ADGRA1: variants seen among roughly 807,000 people sequenced by gnomAD.
ADGRA1 encodes G-protein coupled receptor 123.
A neutral mutation model predicts 21.3 loss-of-function variants in ADGRA1; 12 were observed. The observed-to-expected ratio is 0.56, with a 90% CI of 0.36 to 0.91. The LOEUF is 0.91. ADGRA1 is among the 40% of genes least tolerant of loss of function. ADGRA1 has a pLI of 0.01. For synonymous variants in ADGRA1, 385 were observed against 368.8 expected (o/e 1.04, Z -0.50); for missense variants, 790 against 805.6 (o/e 0.98, Z 0.23).
intron 5 of ADGRA1, among the ~76,000 whole-genome samples, chr10:133,126,547 C>G (rs990572270): frequency 3.9e-5 from 6 of 152,194 alleles, no homozygotes; most frequent in Non-Finnish European, 7.4e-5. Flanking sequence ...TCTCATGGGT[C>G]CGGGTGGGGG....
Position 133,129,930 on chromosome 10 carries a change from G to C in ADGRA1, c.*419G>C. 5.6e-6 allele frequency: 1 copy of C among 178,252 alleles called. No individual in the cohort carries two copies. The highest frequency in any genetic ancestry group is 1.2e-5 in the Non-Finnish European group (1 of 84,428). 11.0% of individuals were successfully genotyped at this position (178,252 alleles called of 1,614,324 possible). On this transcript the variant is annotated 3_prime_UTR_variant, in exon 7 of 7. Coordinates refer to ENST00000392607, the MANE Select transcript of ADGRA1 (RefSeq NM_001083909.3). Reference sequence around the variant, plus strand: ...ATGCCCTGCTGCCCACGGAGTCCTGGCTTCCCCTGGTGTGGCCGGGCAGGG... The same window carrying C: ...ATGCCCTGCTGCCCACGGAGTCCTGCCTTCCCCTGGTGTGGCCGGGCAGGG...
intron 5 of ADGRA1, among the ~76,000 whole-genome samples, chr10:133,108,876 C>G: frequency 7.0e-6 from 1 of 143,062 alleles, no homozygotes. Context: ...ATGGTCCCAG[C>G]TCCACTTGGC....
At chr10:133,119,976 C>T (rs1852225793) in intron 5 of ADGRA1, among the ~76,000 whole-genome samples, 1 of 152,202 alleles carries the variant, frequency 6.6e-6, no homozygotes, top group Non-Finnish European at 1.5e-5. Context: ...ACTCAAAGTT[C>T]CTGGCTCCGT....
chr10:133,095,213 C>T (rs758851552), intron 2 of ADGRA1, among the ~76,000 whole-genome samples: 2 of 152,112 alleles, frequency 1.3e-5, no homozygotes, highest in Non-Finnish European at 2.9e-5. Context: ...AGGCAACTGA[C>T]GCTTCGGGCT....
In ADGRA1 at chr10:133,102,825, C is replaced by A. The variant is rs371722749; in HGVS notation, c.384C>A (p.Pro128=). Residue 128 remains proline, a synonymous_variant, in exon 5 of 7, where the codon CCC becomes CCA. Transcript: ENST00000392607. ...TGGACACAGACCAGCCACCGTACCC[C>A]AGGCAGCCCCTGCTCAGGTACTGAG... is the stretch of plus-strand genomic sequence containing the variant. ...LCLDTDQPPY[P]RQPLLRFYLV... 4.3e-6 allele frequency: 7 copies of A among 1,611,404 alleles called. No homozygotes were observed. The highest frequency in any genetic ancestry group is 5.9e-6 in the Non-Finnish European group (7 of 1,178,798).
intron 5 of ADGRA1, among the ~76,000 whole-genome samples, chr10:133,120,002 G>A (rs1379432879): frequency 6.6e-6 from 1 of 152,238 alleles, no homozygotes; most frequent in African/African-American, 2.4e-5. Context: ...CCTAGCAAGA[G>A]AGTCAGCCTG....
intron 1 of ADGRA1, 35 bp downstream of exon 1, chr10:133,088,173 G>A: frequency 2.2e-6 from 2 of 913,386 alleles, no homozygotes; most frequent in Non-Finnish European, 2.6e-6. Context: ...CGGCGGGAGG[G>A]ACGCGCGGGG....
chr10:133,102,983 A>G (rs1368467856), intron 5 of ADGRA1, 141 bp downstream of exon 5: 2 of 790,358 alleles, frequency 2.5e-6, no homozygotes, highest in Non-Finnish European at 3.5e-6. Context: ...CAGTGTTCCC[A>G]GGGAGGGTGG....
intron 5 of ADGRA1, among the ~76,000 whole-genome samples, chr10:133,123,239 G>A (rs531218779): frequency 5.9e-5 from 9 of 152,304 alleles, no homozygotes; most frequent in East Asian, 1.9e-4. Flanking sequence ...TGCTGGCTGC[G>A]CCGTCCTCTC....
intron 2 of ADGRA1, chr10:133,095,621 T>G: frequency 6.3e-7 from 1 of 1,577,134 alleles, no homozygotes; most frequent in Non-Finnish European, 8.6e-7. Flanking sequence ...TTTCGGGCTT[T>G]GACTGTCAGC....
intron 5 of ADGRA1, among the ~76,000 whole-genome samples, chr10:133,124,799 TG>T (rs1852344393): frequency 6.6e-6 from 1 of 152,146 alleles, no homozygotes; most frequent in Non-Finnish European, 1.5e-5. Context: ...CGGTGGATGG[TG>T]GATGCTGGAC....
chr10:133,097,211 C>T (rs1333394413), intron 3 of ADGRA1, 110 bp downstream of exon 3: 1 of 1,354,952 alleles, frequency 7.4e-7, no homozygotes, highest in Non-Finnish European at 1.0e-6. Context: ...AGCAAGAAGT[C>T]CTTGAAGGTA....
Position 133,130,935 on chromosome 10 carries a change from A to G in ADGRA1, c.*1424A>G, listed in dbSNP as rs1381441294. ...ACTTGCACCTGCTGTGCACATGTGC[A>G]CACACACGTAGTAGTGTGTTTTCCA... is the stretch of plus-strand genomic sequence containing the variant. On this transcript the variant is annotated 3_prime_UTR_variant, in exon 7 of 7. Transcript: ENST00000392607. 2.0e-5 allele frequency: 3 copies of G among 152,250 alleles called. No homozygotes were observed. Among genetic ancestry groups the G allele is most frequent in the Non-Finnish European group, 2.9e-5 (2 of 68,046 alleles). The allele number at this position is 152,250 out of a possible 1,614,324, so 9.4% of individuals were successfully genotyped here. A position where few individuals can be genotyped will look rare whatever the true frequency, so the allele number is the denominator to read the frequency against.
chr10:133,117,998 G>A (rs1184525416), intron 5 of ADGRA1, among the ~76,000 whole-genome samples: 1 of 152,218 alleles, frequency 6.6e-6, no homozygotes, highest in Non-Finnish European at 1.5e-5. Flanking sequence ...GACAGTGGAG[G>A]CTGGGAGGGA....
chr10:133,128,273 C>T (rs1852420886), intron 6 of ADGRA1, 56 bp from the exon 7 acceptor site: 8 of 1,347,630 alleles, frequency 5.9e-6, no homozygotes, highest in East Asian at 2.6e-5. Flanking sequence ...CTGCAGGGGG[C>T]GTCCTGAGTC....
At chr10:133,107,936 T>C (rs1217757199) in intron 5 of ADGRA1, among the ~76,000 whole-genome samples, 1 of 152,272 alleles carries the variant, frequency 6.6e-6, no homozygotes, top group African/African-American at 2.4e-5. Flanking sequence ...ATTACAATGA[T>C]GAAAAACATT....
Position 133,098,630 on chromosome 10 carries a change from C to T in ADGRA1, c.132-10C>T, listed in dbSNP as rs769395639. On this transcript the variant is annotated splice_polypyrimidine_tract_variant and intron_variant, in intron 3 of 6. Coordinates refer to ENST00000392607, the MANE Select transcript of ADGRA1 (RefSeq NM_001083909.3). ...CTGCTCATGTGAAACCCTCCTTTCC[C>T]GTCCCACAGCGCCATCCGCATCAGC... is the stretch of plus-strand genomic sequence containing the variant. 17 of 1,605,206 alleles carry T rather than the reference C, an allele frequency of 1.1e-5. No homozygotes were observed. The highest frequency in any genetic ancestry group is 1.4e-5 in the Non-Finnish European group (17 of 1,178,668).
At chr10:133,118,901 CACGT>C (rs1852204156) in intron 5 of ADGRA1, among the ~76,000 whole-genome samples, 2 of 146,800 alleles carry the variant, frequency 1.4e-5, no homozygotes, top group East Asian at 2.6e-4. Flanking sequence ...TACACTCACA[CACGT>C]ACACTCACAC....
At chr10:133,124,893 C>G (rs1384518737) in intron 5 of ADGRA1, among the ~76,000 whole-genome samples, 1 of 152,220 alleles carries the variant, frequency 6.6e-6, no homozygotes, top group Non-Finnish European at 1.5e-5. Flanking sequence ...TGCCCAGCGG[C>G]GGCGGCGAGA....
Sources: gnomAD v4.1 joint callset for allele counts (sites outside exome capture counted in the v4.1 genomes callset) on GRCh38, gnomAD v4.1.1 for gene constraint, MANE v1.5 for transcripts, NCBI Gene and HGNC (gene_info 2026-07-23, HGNC 2026-07-21) for gene names.